The following GRID1 variants were observed in gnomAD, a reference collection of about 807,000 sequenced individuals.
GRID1 encodes the protein glutamate ionotropic receptor delta type subunit 1.
Under a neutral mutation model 98.0 loss-of-function variants are expected in GRID1, and 28 were observed. That is an observed-to-expected ratio of 0.29 (90% CI 0.21 to 0.39). The LOEUF (loss-of-function observed/expected upper bound fraction) is 0.39. GRID1 is among the 10% of genes least tolerant of loss of function. The pLI is 1.00. For synonymous variants in GRID1, 553 were observed against 538.5 expected, an observed-to-expected ratio of 1.03 and a Z score of -0.37; for missense variants, 1,111 against 1,340.5, an observed-to-expected ratio of 0.83 and a Z score of 2.67.
intron 4 of GRID1, among the ~76,000 whole-genome samples, chr10:86,080,045 G>A (rs1482864143): frequency 1.3e-5 from 2 of 152,088 alleles, no homozygotes; most frequent in Admixed American, 6.6e-5. Context: ...TTAAGAAACG[G>A]AGTAAGGGCC....
At chr10:86,086,570 C>G (rs1229435195) in intron 4 of GRID1, among the ~76,000 whole-genome samples, 1 of 152,124 alleles carries the variant, frequency 6.6e-6, no homozygotes, top group Non-Finnish European at 1.5e-5. Flanking sequence ...GCAGAACCCA[C>G]AGGGGGTTAT....
At chr10:85,736,985 T>C (rs1047775982) in intron 8 of GRID1, among the ~76,000 whole-genome samples, 9 of 152,104 alleles carry the variant, frequency 5.9e-5, no homozygotes, top group African/African-American at 2.2e-4. Flanking sequence ...TCAGAGCCAA[T>C]GAACCTGGGC....
chr10:86,252,464 T>A (rs1846851369), intron 2 of GRID1, among the ~76,000 whole-genome samples: 1 of 152,230 alleles, frequency 6.6e-6, no homozygotes, highest in African/African-American at 2.4e-5. Flanking sequence ...AAGGATTACT[T>A]ACGGGTCTGT....
At chr10:85,775,159 A>G (rs1842316952) in intron 8 of GRID1, among the ~76,000 whole-genome samples, 1 of 152,220 alleles carries the variant, frequency 6.6e-6, no homozygotes, top group Non-Finnish European at 1.5e-5. Flanking sequence ...AAAAATGATG[A>G]GTTCATGTCC....
intron 8 of GRID1, among the ~76,000 whole-genome samples, chr10:85,787,021 AG>A (rs1442172761): frequency 1.3e-5 from 2 of 152,214 alleles, no homozygotes; most frequent in African/African-American, 4.8e-5. Flanking sequence ...TCTGCCTCCC[AG>A]CTGCCATCCA....
intron 12 of GRID1, among the ~76,000 whole-genome samples, chr10:85,716,390 A>T (rs2132642632): frequency 6.6e-6 from 1 of 152,202 alleles, no homozygotes; most frequent in East Asian, 1.9e-4. Flanking sequence ...GAAGGGCAAC[A>T]TCACACACCG....
intron 2 of GRID1, among the ~76,000 whole-genome samples, chr10:86,230,736 C>A (rs1271410234): frequency 6.6e-6 from 1 of 152,188 alleles, no homozygotes; most frequent in Non-Finnish European, 1.5e-5. Context: ...TTGTCACCTC[C>A]TCCACGAAGA....
intron 13 of GRID1, among the ~76,000 whole-genome samples, chr10:85,631,796 C>T (rs1053130242): frequency 1.3e-5 from 2 of 152,000 alleles, no homozygotes; most frequent in Non-Finnish European, 2.9e-5. Context: ...AATTGGTGTG[C>T]CTGGATACAA....
At chr10:86,059,448 TAAC>T (rs1256920867) in intron 4 of GRID1, among the ~76,000 whole-genome samples, 9 of 152,266 alleles carry the variant, frequency 5.9e-5, no homozygotes, top group Non-Finnish European at 1.2e-4. Context: ...TCATTCAATG[TAAC>T]AACAATTACC....
intron 4 of GRID1, among the ~76,000 whole-genome samples, chr10:86,046,023 C>A (rs1376311917): frequency 6.6e-6 from 1 of 152,112 alleles, no homozygotes; most frequent in Non-Finnish European, 1.5e-5. Flanking sequence ...AGGGCTCAGA[C>A]ACCGGACCAA....
At chr10:85,777,153 A>G (rs1248386409) in intron 8 of GRID1, among the ~76,000 whole-genome samples, 1 of 152,148 alleles carries the variant, frequency 6.6e-6, no homozygotes, top group Non-Finnish European at 1.5e-5. Flanking sequence ...CCTCTGGCCT[A>G]CCAACCATGC....
chr10:85,731,934 AGAAGG>A (rs375742213), intron 8 of GRID1, among the ~76,000 whole-genome samples: 100 of 120,680 alleles, frequency 8.3e-4, no homozygotes, highest in African/African-American at 3.5e-3. Flanking sequence ...AGAGAGAGAG[AGAAGG>A]GAAGGGAAGG....
chr10:86,174,824 G>C (rs1845550821), intron 3 of GRID1, among the ~76,000 whole-genome samples: 1 of 151,984 alleles, frequency 6.6e-6, no homozygotes, highest in African/African-American at 2.4e-5. Flanking sequence ...ATCAAAAAGT[G>C]GGTGAAGGAC....
intron 12 of GRID1, among the ~76,000 whole-genome samples, chr10:85,699,223 T>G (rs190804496): frequency 2.4e-4 from 36 of 152,186 alleles, no homozygotes; most frequent in Admixed American, 6.5e-4. Context: ...TGGCTAATTT[T>G]TGTATTTTTA....
At chr10:86,351,482 G>C (rs1474836604) in intron 2 of GRID1, among the ~76,000 whole-genome samples, 1 of 152,212 alleles carries the variant, frequency 6.6e-6, no homozygotes, top group Non-Finnish European at 1.5e-5. Flanking sequence ...CAAGGTGGCT[G>C]GGGCTGGGAA....
At chr10:86,003,433 G>A (rs1195669788) in intron 4 of GRID1, among the ~76,000 whole-genome samples, 1 of 152,200 alleles carries the variant, frequency 6.6e-6, no homozygotes, top group Non-Finnish European at 1.5e-5. Context: ...TTAATTCCCT[G>A]GCACTTGTGC....
At chr10:86,026,645 T>C (rs776809590) in intron 4 of GRID1, among the ~76,000 whole-genome samples, 1 of 152,244 alleles carries the variant, frequency 6.6e-6, no homozygotes, top group African/African-American at 2.4e-5. Flanking sequence ...ACTCAGCTTC[T>C]ACTCTTTGCC....
intron 5 of GRID1, among the ~76,000 whole-genome samples, chr10:85,875,401 T>A (rs1326913212): frequency 2.6e-5 from 4 of 152,198 alleles, no homozygotes; most frequent in South Asian, 2.1e-4. Context: ...CACATTTTAG[T>A]TGGAATGCCT....
chr10:86,307,506 G>A (rs1179478475), intron 2 of GRID1, among the ~76,000 whole-genome samples: 1 of 152,174 alleles, frequency 6.6e-6, no homozygotes, highest in Non-Finnish European at 1.5e-5. Flanking sequence ...CAAAAAAGCA[G>A]AGCATAGAAA....
Sources: gnomAD v4.1 joint callset for allele counts (sites outside exome capture counted in the v4.1 genomes callset) on GRCh38, gnomAD v4.1.1 for gene constraint, MANE v1.5 for transcripts, NCBI Gene and HGNC (gene_info 2026-07-23, HGNC 2026-07-21) for gene names.